The following MOB3A variants were observed in gnomAD, a reference collection of about 807,000 sequenced individuals.
MOB3A encodes MOB LAK.
Under a neutral mutation model 17.8 loss-of-function variants are expected in MOB3A, and 17 were observed. That is an observed-to-expected ratio of 0.95 (90% CI 0.65 to 1.43). The LOEUF is 1.43. MOB3A is among the 40% of genes most tolerant of loss of function. The pLI is 0.00. For missense variants in MOB3A, 333 were observed against 310.8 expected, an observed-to-expected ratio of 1.07 and a Z score of -0.54; for synonymous variants, 124 against 133.2, an observed-to-expected ratio of 0.93 and a Z score of 0.48.
intron 1 of MOB3A, among the ~76,000 whole-genome samples, chr19:2,087,172 G>T (rs1366279604): frequency 1.3e-5 from 2 of 152,142 alleles, no homozygotes; most frequent in African/African-American, 4.8e-5. Flanking sequence ...TGCTATCGAG[G>T]GCTTAGCATA....
intron 4 of MOB3A, among the ~76,000 whole-genome samples, chr19:2,075,537 G>A (rs1019287827): frequency 4.6e-5 from 7 of 152,030 alleles, no homozygotes; most frequent in African/African-American, 7.2e-5. Flanking sequence ...GTGGGGTCCC[G>A]CTCTCACATC....
At position 2,078,176 on chromosome 19, in the gene MOB3A, G is replaced by A. The variant is rs1385788272; in HGVS notation, c.385C>T (p.Gln129Ter). The change falls in exon 3 of 5, where the codon CAG (glutamine) becomes TAG (stop). Residue 129 changes from glutamine to a stop codon, truncating the protein, a stop_gained. Transcript: ENST00000357066. LOFTEE classifies it high-confidence loss of function. ...MDLLMDWIEAQINNEDLFPTN... is the reference protein window; with the variant it reads ...MDLLMDWIEA Reference sequence around the variant, plus strand: ...GGGAAGAGGTCCTCGTTGTTGATCTGCGCCTCGATCCAGTCCATCAGCAGG... The same window carrying A: ...GGGAAGAGGTCCTCGTTGTTGATCTACGCCTCGATCCAGTCCATCAGCAGG... 3 of 1,594,834 alleles carry A rather than the reference G, an allele frequency of 1.9e-6. No individual in the cohort carries two copies. Among genetic ancestry groups the A allele is most frequent in the Admixed American group, 1.7e-5 (1 of 59,158 alleles).
At position 2,074,570 on chromosome 19, in the gene MOB3A, T is replaced by A. The variant is rs79760817; in HGVS notation, c.625-1146A>T. Among the ~76,000 whole-genome samples, 4 of 151,854 alleles carry A rather than the reference T, an allele frequency of 2.6e-5. No homozygotes were observed. In the East Asian group the frequency reaches 7.7e-4, roughly 29 times the overall value. ...GATGTTTTTAGTCTTTTTTTTTTTT[T>A]GAGACGGAGTTTCACTCTGTCATTC... On this transcript the variant is annotated intron_variant, in intron 4 of 4. Coordinates refer to ENST00000357066, the MANE Select transcript of MOB3A (RefSeq NM_130807.3).
rs2017634160 is a variant in MOB3A at position 2,093,329 on chromosome 19, T to A, written c.-274+2897A>T. Among the ~76,000 whole-genome samples the A allele has an allele frequency of 6.6e-6, 1 of 152,020 alleles. No homozygotes were observed. Among genetic ancestry groups the A allele is most frequent in the Non-Finnish European group, 1.5e-5 (1 of 67,978 alleles). On this transcript the variant is annotated intron_variant, in intron 1 of 4. Transcript: ENST00000357066. This position sits in a 1 kb window ranked among gnomAD's most constrained non-coding sequence, Gnocchi z 4.6. Reference sequence around the variant, plus strand: ...CGCGCCAGCATGCCCGGGTAAATTTTGTATTCCTCAGCCGATGAGCTCTGT... The same window carrying A: ...CGCGCCAGCATGCCCGGGTAAATTTAGTATTCCTCAGCCGATGAGCTCTGT...
At position 2,073,190 on chromosome 19, in the gene MOB3A, A is replaced by G. The variant is rs2017360398; in HGVS notation, c.*205T>C. 9 of 650,892 alleles carry G rather than the reference A, an allele frequency of 1.4e-5. No homozygotes were observed. Among genetic ancestry groups the G allele is most frequent in the Admixed American group, 5.1e-5 (2 of 39,376 alleles). The allele number at this position is 650,892 out of a possible 1,614,324, so 40.3% of individuals were successfully genotyped here. A position where few individuals can be genotyped will look rare whatever the true frequency, so the allele number is the denominator to read the frequency against. ...TACAGAGTTCACGTTTTAGTCCCAG[A>G]CGGGAGACTGAGGCTCGAGACTGAG... is the stretch of plus-strand genomic sequence containing the variant. On this transcript the variant is annotated 3_prime_UTR_variant, in exon 5 of 5. Transcript: ENST00000357066.
chr19:2,076,147 G>T (rs958390183), intron 4 of MOB3A, among the ~76,000 whole-genome samples: 2 of 108,846 alleles, frequency 1.8e-5, no homozygotes, highest in Admixed American at 9.6e-5. Flanking sequence ...AAAAAAAAAA[G>T]GCCAGGCACA....
chr19:2,094,519 G>C (rs1271918442), intron 1 of MOB3A, among the ~76,000 whole-genome samples: 1 of 152,228 alleles, frequency 6.6e-6, no homozygotes, highest in South Asian at 2.1e-4. Flanking sequence ...CACACACGCA[G>C]GGAAATGAAT....
intron 4 of MOB3A, among the ~76,000 whole-genome samples, chr19:2,075,413 T>C (rs72981487): frequency 0.013 from 1,999 of 152,230 alleles, 18 homozygotes; most frequent in Non-Finnish European, 0.02. Flanking sequence ...GGTGGGAGGA[T>C]TGCTTGCATC....
intron 3 of MOB3A, 49 bp downstream of exon 3, chr19:2,078,091 C>A (rs2017435490): frequency 6.7e-7 from 1 of 1,498,982 alleles, no homozygotes; most frequent in South Asian, 1.4e-5. Flanking sequence ...GCCTCCCTGA[C>A]TTTTCTGGAA....
rs1424566957 is a variant in MOB3A, at chr19:2,075,027, C to CTT, written c.625-1605_625-1604dup. ...CCACCACGCCGGGCCTTAATCTTTT[C>CTT]TTTTCTTTTTTTTTTTTTTTGAGAC... On this transcript the variant is annotated intron_variant, in intron 4 of 4. Transcript: ENST00000357066. 6.0e-3 allele frequency among the ~76,000 whole-genome samples: 903 copies of CTT among 149,306 alleles called. 15 individuals carry two copies. Among genetic ancestry groups the CTT allele is most frequent in the African/African-American group, 0.021 (844 of 40,648 alleles).
At position 2,081,358 on chromosome 19, in the gene MOB3A, C is replaced by T. The variant is rs530390508; in HGVS notation, c.-119-2679G>A. 1.9e-3 allele frequency among the ~76,000 whole-genome samples: 287 copies of T among 152,194 alleles called. 1 individual carries two copies. The highest frequency in any genetic ancestry group is 3.0e-3 in the Non-Finnish European group (202 of 67,992). On this transcript the variant is annotated intron_variant, in intron 2 of 4. Coordinates refer to ENST00000357066, the MANE Select transcript of MOB3A (RefSeq NM_130807.3). ...ATCCCGGCACTTTGGGAGGCCGAGG[C>T]GGGTGGATCACCTGAGGTCGGGAAT...
intron 4 of MOB3A, among the ~76,000 whole-genome samples, chr19:2,073,908 G>A (rs1010461526): frequency 6.6e-6 from 1 of 152,146 alleles, no homozygotes; most frequent in Admixed American, 6.6e-5. Flanking sequence ...GCAGGCACCT[G>A]TAATCCCAGC....
At chr19:2,083,734 C>T (rs958552891) in intron 2 of MOB3A, among the ~76,000 whole-genome samples, 2 of 152,252 alleles carry the variant, frequency 1.3e-5, no homozygotes, top group African/African-American at 4.8e-5. Context: ...CAACCTGCCA[C>T]AGCCTGGTGC....
At chr19:2,086,320 G>A (rs1385012279) in intron 1 of MOB3A, among the ~76,000 whole-genome samples, 3 of 151,102 alleles carry the variant, frequency 2.0e-5, no homozygotes, top group African/African-American at 4.9e-5. Flanking sequence ...GATTACAGGC[G>A]TGAACCATAA....
intron 1 of MOB3A, among the ~76,000 whole-genome samples, chr19:2,087,132 C>A (rs986992273): frequency 1.3e-5 from 2 of 152,228 alleles, no homozygotes; most frequent in Admixed American, 1.3e-4. Context: ...AGGCAGGAAG[C>A]AAGGCCTGCC....
At chr19:2,088,889 C>T (rs116517202) in intron 1 of MOB3A, among the ~76,000 whole-genome samples, 209 of 152,306 alleles carry the variant, frequency 1.4e-3, no homozygotes, top group African/African-American at 4.6e-3. Flanking sequence ...AGACATGAGC[C>T]ACGGAGCCTG....
chr19:2,077,484 G>A (rs2017427151), intron 3 of MOB3A, among the ~76,000 whole-genome samples: 2 of 152,146 alleles, frequency 1.3e-5, no homozygotes, highest in Non-Finnish European at 2.9e-5. Context: ...TCAAACCCAC[G>A]TTTATGGGGT....
At chr19:2,091,396 T>C (rs1204221487) in intron 1 of MOB3A, among the ~76,000 whole-genome samples, 2 of 152,084 alleles carry the variant, frequency 1.3e-5, no homozygotes, top group Non-Finnish European at 2.9e-5. Flanking sequence ...CTTTTTTTCT[T>C]TTTTGGAGAC....
rs1285654363 is a variant in MOB3A, at chr19:2,096,296, G to A, written c.-344C>T. The A allele has an allele frequency of 1.3e-5, 2 of 158,018 alleles. No individual in the cohort carries two copies. The highest frequency in any genetic ancestry group is 2.8e-5 in the Non-Finnish European group (2 of 71,604). The allele number at this position is 158,018 out of a possible 1,614,324, so 9.8% of individuals were successfully genotyped here. A position where few individuals can be genotyped will look rare whatever the true frequency, so the allele number is the denominator to read the frequency against. ...GGCCGCCTCGGCCGCCTCAGCCGCC[G>A]CACCGCCTCGCAGCCGCCGCGGAGG... On this transcript the variant is annotated 5_prime_UTR_variant, in exon 1 of 5. Coordinates refer to ENST00000357066, the MANE Select transcript of MOB3A (RefSeq NM_130807.3).
Sources: gnomAD v4.1 joint callset for allele counts (sites outside exome capture counted in the v4.1 genomes callset) on GRCh38, gnomAD v4.1.1 for gene constraint, Gnocchi (gnomAD v3.1) non-coding constraint, MANE v1.5 for transcripts, NCBI Gene and HGNC (gene_info 2026-07-23, HGNC 2026-07-21) for gene names.